The following ARHGAP28 variants were observed in gnomAD, a reference collection of about 807,000 sequenced individuals.
ARHGAP28 encodes the protein rho GTPase-activating protein 28.
ARHGAP28 carries 56 observed loss-of-function variants against 90.7 expected under a neutral mutation model. The observed-to-expected ratio is 0.62, with a 90% CI of 0.50 to 0.77. The LOEUF is 0.77. ARHGAP28 is among the 30% of genes least tolerant of loss of function. The pLI, the probability that ARHGAP28 is intolerant of heterozygous loss-of-function variation, is 0.00. For synonymous variants in ARHGAP28, 308 were observed against 323.3 expected (o/e 0.95, Z 0.51); for missense variants, 869 against 900.9 (o/e 0.96, Z 0.45).
intron 1 of ARHGAP28, among the ~76,000 whole-genome samples, chr18:6,799,484 C>A (rs954934690): frequency 6.6e-6 from 1 of 152,192 alleles, no homozygotes; most frequent in Non-Finnish European, 1.5e-5. Flanking sequence ...TGACTTCAAA[C>A]TATAAGGCTA....
chr18:6,751,120 T>C (rs886885415), intron 1 of ARHGAP28, among the ~76,000 whole-genome samples: 3 of 152,268 alleles, frequency 2.0e-5, no homozygotes, highest in South Asian at 4.1e-4. Context: ...ATTTATGGAA[T>C]AGAGAGAGGG....
intron 1 of ARHGAP28, among the ~76,000 whole-genome samples, chr18:6,745,007 A>G (rs1002368063): frequency 6.6e-6 from 1 of 151,990 alleles, no homozygotes; most frequent in East Asian, 1.9e-4. Flanking sequence ...TCATTTAATT[A>G]AAATACTTTA....
intron 1 of ARHGAP28, among the ~76,000 whole-genome samples, chr18:6,779,585 C>T (rs1208678571): frequency 6.6e-6 from 1 of 152,194 alleles, no homozygotes; most frequent in African/African-American, 2.4e-5. Flanking sequence ...CAGGTATACC[C>T]CGATCTCCTT....
rs2055938801 is a variant in ARHGAP28 at position 6,737,509 on chromosome 18, A to C, written c.122+7566A>C. On this transcript the variant is annotated intron_variant, in intron 1 of 17. Coordinates refer to ENST00000383472, the MANE Select transcript of ARHGAP28 (RefSeq NM_001366230.1). ...GTAATTTACTTTTGATTAGATAATC[A>C]GCTTGTTACAACTATGTAAAGGCAA... Among the ~76,000 whole-genome samples the C allele has an allele frequency of 2.0e-5, 3 of 152,304 alleles. No individual in the cohort carries two copies. The South Asian group carries it at 6.2e-4, about 32-fold the overall frequency.
At chr18:6,906,448 A>G (rs1173095550) in intron 16 of ARHGAP28, among the ~76,000 whole-genome samples, 1 of 152,210 alleles carries the variant, frequency 6.6e-6, no homozygotes, top group Non-Finnish European at 1.5e-5. Context: ...GCCACTGGCA[A>G]CCATTCTTCT....
intron 17 of ARHGAP28, among the ~76,000 whole-genome samples, chr18:6,909,899 T>A (rs2057386861): frequency 1.3e-5 from 2 of 152,136 alleles, no homozygotes; most frequent in Admixed American, 1.3e-4. Context: ...CCCTCCCAAC[T>A]GTAGCATTTC....
chr18:6,816,005 T>G (rs2056588226), intron 1 of ARHGAP28, among the ~76,000 whole-genome samples: 1 of 152,164 alleles, frequency 6.6e-6, no homozygotes, highest in South Asian at 2.1e-4. Context: ...ACAAACACAT[T>G]TTTCTGTATT....
At chr18:6,875,380 T>C (rs1399802427) in intron 9 of ARHGAP28, among the ~76,000 whole-genome samples, 1 of 152,204 alleles carries the variant, frequency 6.6e-6, no homozygotes. Context: ...TAGTTCCAGG[T>C]ACCATCCACC....
chr18:6,768,180 T>C (rs1356565018), intron 1 of ARHGAP28, among the ~76,000 whole-genome samples: 3 of 152,208 alleles, frequency 2.0e-5, no homozygotes, highest in Non-Finnish European at 4.4e-5. Flanking sequence ...TCCTCTTATT[T>C]TTCTTTTTAA....
chr18:6,913,287 G>A lies in ARHGAP28; in HGVS notation c.*1133G>A, dbSNP rs527714375. On this transcript the variant is annotated 3_prime_UTR_variant, in exon 18 of 18. Coordinates refer to ENST00000383472, the MANE Select transcript of ARHGAP28 (RefSeq NM_001366230.1). ...GACCTGTGATTGCCCAGAACACATA[G>A]TCCCCACGTTTCTAATTTGGAGCAA... 6.6e-6 allele frequency: 1 copy of A among 152,136 alleles called. No individual in the cohort carries two copies. The highest frequency in any genetic ancestry group is 2.4e-5 in the African/African-American group (1 of 41,412). The allele number at this position is 152,136 out of a possible 1,614,324, so 9.4% of individuals were successfully genotyped here.
Position 6,814,112 on chromosome 18 carries a change from G to A in ARHGAP28, c.123-10650G>A, listed in dbSNP as rs559462035. Among the ~76,000 whole-genome samples, 3 of 152,278 alleles carry A rather than the reference G, an allele frequency of 2.0e-5. No homozygotes were observed. In the East Asian group the frequency reaches 5.8e-4, roughly 29 times the overall value. ...GTGGAAAAAGCATATTGTGAAAGAAGAAGAATAAGGAAGGTTGATACGCCT... is the reference window on the plus strand; with the variant it reads ...GTGGAAAAAGCATATTGTGAAAGAAAAAGAATAAGGAAGGTTGATACGCCT... On this transcript the variant is annotated intron_variant, in intron 1 of 17. Transcript: ENST00000383472.
rs1303760993 is a variant in ARHGAP28, at chr18:6,824,866, C to T, written c.227C>T (p.Ala76Val). 1 of 1,536,360 alleles carries T rather than the reference C, an allele frequency of 6.5e-7. No homozygotes were observed. Among genetic ancestry groups the T allele is most frequent in the Non-Finnish European group, 8.7e-7 (1 of 1,146,970 alleles). ...RSNSEASVDS[A>V]SMEDFWREIE... ...AACTCAGAAGCCTCCGTAGACAGCG[C>T]CTCCATGGAGGATTTCTGGCGGGAA... The change falls in exon 2 of 18, where the codon GCC (alanine) becomes GTC (valine). Residue 76 changes from alanine to valine, a missense_variant. By Grantham distance (64) the Ala-to-Val change is moderately conservative. Coordinates refer to ENST00000383472, the MANE Select transcript of ARHGAP28 (RefSeq NM_001366230.1).
intron 7 of ARHGAP28, among the ~76,000 whole-genome samples, 174 bp from the exon 8 acceptor site, chr18:6,873,235 G>C (rs2057103850): frequency 6.6e-6 from 1 of 152,200 alleles, no homozygotes; most frequent in Admixed American, 6.5e-5. Flanking sequence ...GCAGTGATCT[G>C]CACATTGTTC....
At chr18:6,817,009 G>A (rs928291727) in intron 1 of ARHGAP28, among the ~76,000 whole-genome samples, 9 of 151,898 alleles carry the variant, frequency 5.9e-5, no homozygotes, top group Non-Finnish European at 1.0e-4. Context: ...AGGATCTCTT[G>A]AGTCTGGGAG....
intron 1 of ARHGAP28, among the ~76,000 whole-genome samples, chr18:6,815,059 A>G (rs981917017): frequency 6.6e-6 from 1 of 152,198 alleles, no homozygotes; most frequent in African/African-American, 2.4e-5. Flanking sequence ...ACCTCAATTT[A>G]TCTTTGGGGA....
chr18:6,822,757 G>T (rs1340273695), intron 1 of ARHGAP28, among the ~76,000 whole-genome samples: 1 of 152,148 alleles, frequency 6.6e-6, no homozygotes, highest in African/African-American at 2.4e-5. Context: ...ACTACGAAAA[G>T]ATCAATGATA....
intron 10 of ARHGAP28, 52 bp downstream of exon 10, chr18:6,876,260 A>G: frequency 7.6e-7 from 1 of 1,318,580 alleles, no homozygotes; most frequent in East Asian, 2.3e-5. Flanking sequence ...AGCTAGACCC[A>G]GTTCACACAA....
At chr18:6,860,415 T>G (rs2056988113) in intron 5 of ARHGAP28, among the ~76,000 whole-genome samples, 1 of 152,170 alleles carries the variant, frequency 6.6e-6, no homozygotes, top group Admixed American at 6.5e-5. Context: ...TGTCAAAAAT[T>G]TTTGTCATTC....
chr18:6,758,471 G>C (rs543275006), intron 1 of ARHGAP28, among the ~76,000 whole-genome samples: 1 of 152,032 alleles, frequency 6.6e-6, no homozygotes, highest in Admixed American at 6.6e-5. Context: ...TTGCAAGCAC[G>C]CACCACTAAG....
Sources: gnomAD v4.1 joint callset for allele counts (sites outside exome capture counted in the v4.1 genomes callset) on GRCh38, gnomAD v4.1.1 for gene constraint, MANE v1.5 for transcripts, NCBI Gene and HGNC (gene_info 2026-07-23, HGNC 2026-07-21) for gene names.